The following ME1 variants were observed in gnomAD, a reference collection of about 807,000 sequenced individuals.
ME1 encodes the protein NADP-dependent malic enzyme.
Under a neutral mutation model 66.4 loss-of-function variants are expected in ME1, and 74 were observed. The observed-to-expected ratio is 1.11, with a 90% CI of 0.92 to 1.35. ME1 has a LOEUF of 1.35. Ranked by LOEUF, ME1 falls within the 40% of genes most tolerant of loss-of-function variation. The pLI is 0.00. For synonymous variants in ME1, 251 were observed against 235.6 expected (o/e 1.07, Z -0.60); for missense variants, 750 against 694.1 (o/e 1.08, Z -0.90).
chr6:83,322,892 G>A (rs1768206161), intron 5 of ME1, among the ~76,000 whole-genome samples: 1 of 152,132 alleles, frequency 6.6e-6, no homozygotes, highest in Admixed American at 6.6e-5. Flanking sequence ...AAAAATTTAA[G>A]GGCAGTGAGA....
At chr6:83,418,096 T>A (rs1026903180) in intron 1 of ME1, among the ~76,000 whole-genome samples, 2 of 152,210 alleles carry the variant, frequency 1.3e-5, no homozygotes, top group African/African-American at 2.4e-5. Context: ...TTGCTTCAGA[T>A]CCACTGTGGA....
At chr6:83,307,118 C>G (rs898750365) in intron 6 of ME1, among the ~76,000 whole-genome samples, 1 of 151,936 alleles carries the variant, frequency 6.6e-6, no homozygotes, top group East Asian at 1.9e-4. Flanking sequence ...TATACATCCA[C>G]TTTAAATCCA....
At chr6:83,215,139 T>TA (rs1376871691) in intron 13 of ME1, among the ~76,000 whole-genome samples, 1 of 152,194 alleles carries the variant, frequency 6.6e-6, no homozygotes, top group East Asian at 1.9e-4. Flanking sequence ...TTTAGAGAAT[T>TA]ACTTCTTTTT....
intron 6 of ME1, among the ~76,000 whole-genome samples, chr6:83,266,934 G>A (rs1442377003): frequency 6.6e-6 from 1 of 152,074 alleles, no homozygotes; most frequent in Non-Finnish European, 1.5e-5. Context: ...AACCATTTAT[G>A]AATGACTCTG....
intron 5 of ME1, among the ~76,000 whole-genome samples, chr6:83,331,446 G>T (rs1330283107): frequency 6.6e-6 from 1 of 151,952 alleles, no homozygotes; most frequent in Non-Finnish European, 1.5e-5. Context: ...AATTAGTCGG[G>T]CGTGGTGGTG....
intron 1 of ME1, among the ~76,000 whole-genome samples, chr6:83,419,657 C>T (rs548823831): frequency 1.5e-4 from 23 of 152,228 alleles, no homozygotes; most frequent in African/African-American, 4.8e-4. Flanking sequence ...TTTTATAAAG[C>T]GAATCTATAA....
At chr6:83,219,013 G>C (rs1389379194) in intron 12 of ME1, among the ~76,000 whole-genome samples, 1 of 152,136 alleles carries the variant, frequency 6.6e-6, no homozygotes, top group Non-Finnish European at 1.5e-5. Flanking sequence ...GCATATGTTA[G>C]GTATTTAATT....
chr6:83,383,427 T>C (rs1474443238), intron 3 of ME1, among the ~76,000 whole-genome samples: 8 of 151,906 alleles, frequency 5.3e-5, no homozygotes, highest in African/African-American at 1.9e-4. Flanking sequence ...TATAACCTCT[T>C]CTTCATTTAT....
chr6:83,228,014 G>C (rs1790230963), intron 10 of ME1, among the ~76,000 whole-genome samples: 1 of 152,168 alleles, frequency 6.6e-6, no homozygotes, highest in Non-Finnish European at 1.5e-5. Flanking sequence ...TAAACACTTA[G>C]TAAAGTTCCT....
chr6:83,256,779 T>G (rs1304203501), intron 6 of ME1, among the ~76,000 whole-genome samples: 2 of 152,122 alleles, frequency 1.3e-5, no homozygotes, highest in African/African-American at 4.8e-5. Context: ...TAGCAAAGAC[T>G]TGGGACCAAA....
chr6:83,327,798 A>G (rs1583383841), intron 5 of ME1, among the ~76,000 whole-genome samples: 2 of 152,040 alleles, frequency 1.3e-5, no homozygotes, highest in South Asian at 2.1e-4. Context: ...ATCCCTAATA[A>G]AAACTTGCTG....
At position 83,340,302 on chromosome 6, in the gene ME1, A is replaced by T. The variant is rs370995308; in HGVS notation, c.600+5871T>A. ...CAGGCTAGAATTTTCTGAATAATAA[A>T]AAAGAAAACAGCAGTGATAACGGGT... On this transcript the variant is annotated intron_variant, in intron 5 of 13. Transcript: ENST00000369705. 1.2e-4 allele frequency among the ~76,000 whole-genome samples: 19 copies of T among 152,336 alleles called. No individual in the cohort carries two copies. In the East Asian group the frequency reaches 1.3e-3, roughly 11 times the overall value.
At chr6:83,369,653 GAGGAAGGAAGGAAGGAACGAAGGA>G (rs202169384) in intron 3 of ME1, among the ~76,000 whole-genome samples, 4,223 of 141,566 alleles carry the variant, frequency 0.03, 108 homozygotes, top group African/African-American at 0.063. Flanking sequence ...GAGACAGAGA[GAGGAAGGAAGGAAGGAACGAAGGA>G]AGGAAGGAAG....
chr6:83,397,061 T>C (rs11962079), intron 3 of ME1, among the ~76,000 whole-genome samples: 4,561 of 152,186 alleles, frequency 0.03, 220 homozygotes, highest in African/African-American at 0.11. Flanking sequence ...AAAAGCCTCA[T>C]GATAGTAGTT....
At chr6:83,299,403 T>C (rs1767670228) in intron 6 of ME1, among the ~76,000 whole-genome samples, 1 of 151,494 alleles carries the variant, frequency 6.6e-6, no homozygotes, top group Non-Finnish European at 1.5e-5. Flanking sequence ...TTGGCATTCG[T>C]CTATTTTTGG....
chr6:83,277,901 A>AAATAATAATAATAATTATAATAAT (rs1767215932), intron 6 of ME1, among the ~76,000 whole-genome samples: 1 of 144,098 alleles, frequency 6.9e-6, no homozygotes, highest in East Asian at 2.0e-4. Flanking sequence ...CTGTATCTCA[A>AAATAATAATAATAATTATAATAAT]AATAATAATA....
chr6:83,427,164 A>G (rs1015522569), intron 1 of ME1, among the ~76,000 whole-genome samples: 3 of 152,218 alleles, frequency 2.0e-5, no homozygotes, highest in Non-Finnish European at 4.4e-5. Context: ...AGGGCTATGC[A>G]CAGAAAAATA....
intron 3 of ME1, among the ~76,000 whole-genome samples, chr6:83,389,974 ACAT>A (rs1769589204): frequency 1.3e-5 from 2 of 152,154 alleles, no homozygotes; most frequent in Non-Finnish European, 2.9e-5. Context: ...ATTATCTATG[ACAT>A]CTGAAAAACC....
At chr6:83,398,159 T>C (rs1230275886) in intron 3 of ME1, among the ~76,000 whole-genome samples, 2 of 152,168 alleles carry the variant, frequency 1.3e-5, no homozygotes, top group Non-Finnish European at 2.9e-5. Flanking sequence ...CACAAATAAA[T>C]GATATGAATG....
Sources: allele counts gnomAD v4.1 joint callset (sites outside exome capture counted in the v4.1 genomes callset), GRCh38; gene constraint gnomAD v4.1.1; transcripts MANE v1.5; gene names NCBI Gene and HGNC (gene_info 2026-07-23, HGNC 2026-07-21).